The following MUCL3 variants were observed in gnomAD, a reference collection of about 807,000 sequenced individuals.
MUCL3 encodes mucin-like protein 3.
In MUCL3, 42 loss-of-function variants were observed where a neutral mutation model predicts 70.2. The observed-to-expected ratio is 0.60, with a 90% CI of 0.47 to 0.77. MUCL3 has a LOEUF of 0.77. Among genes scored for constraint, MUCL3 ranks in the 30% least tolerant of loss-of-function variants. The probability of loss-of-function intolerance (pLI) is 0.00; values close to 1 mark genes in which losing one functional copy is unlikely to be tolerated. For missense variants in MUCL3, 1,429 were observed against 1,670.0 expected (o/e 0.86, Z 2.52); for synonymous variants, 522 against 647.0 (o/e 0.81, Z 2.93).
intron 1 of MUCL3, among the ~76,000 whole-genome samples, chr6:30,942,825 G>C (rs971020172): frequency 6.6e-6 from 1 of 152,180 alleles, no homozygotes; most frequent in African/African-American, 2.4e-5. Context: ...ATTTGCTTCA[G>C]GGCGGAGATC....
chr6:30,951,903 A>G lies in MUCL3; in HGVS notation c.3439A>G (p.Lys1147Glu), dbSNP rs1345396596. 6.2e-7 allele frequency: 1 copy of G among 1,613,870 alleles called. No individual in the cohort carries two copies. Among genetic ancestry groups the G allele is most frequent in the Non-Finnish European group, 8.5e-7 (1 of 1,179,890 alleles). ...CACACCAGCCCCAGCAGAGCCTATA[A>G]AACATGCAAAAAGGACCACATTGGC... Reference protein sequence around the residue: ...VITPAPAEPIKHAKRTTLAHE... With the variant: ...VITPAPAEPIEHAKRTTLAHE... The change falls in exon 2 of 3, where the codon AAA (lysine) becomes GAA (glutamate). Residue 1147 changes from lysine (K) to glutamate (E), a missense_variant. Physicochemically the swap from Lys to Glu is moderately conservative, Grantham distance 56. Coordinates refer to ENST00000462446, the MANE Select transcript of MUCL3 (RefSeq NM_080870.4).
In MUCL3 at chr6:30,949,230, G is replaced by C; in HGVS notation, c.766G>C (p.Val256Leu). Residue 256 changes from valine to leucine, a missense_variant, in exon 2 of 3, where the codon GTT (valine) becomes CTT (leucine). Val to Leu is a conservative substitution (Grantham distance 32). Transcript: ENST00000462446. ...AAAAACTGAAGATTCCAGAACAACA[G>C]TTGCCTCAGACAAGCTCCTGACAAA... ...SEKTEDSRTT[V>L]ASDKLLTKTT... 1 of 1,550,728 alleles carries C rather than the reference G, an allele frequency of 6.4e-7. No homozygotes were observed. The highest frequency in any genetic ancestry group is 2.4e-5 in the East Asian group (1 of 40,922).
Position 30,952,410 on chromosome 6 carries a change from G to A in MUCL3, c.3946G>A (p.Glu1316Lys). Residue 1316 changes from glutamate to lysine, a missense_variant, in exon 2 of 3, where the codon GAG becomes AAG. Glu to Lys is a moderately conservative substitution (Grantham distance 56). Transcript: ENST00000462446. ...AGGTATCCACGCTGGACAGATGGGA[G>A]AGAATGATTCATTCCCTGCATGGGC... ...QKGIHAGQMG[E>K]NDSFPAWAIV... 6.2e-7 allele frequency: 1 copy of A among 1,614,092 alleles called. No homozygotes were observed. Among genetic ancestry groups the A allele is most frequent in the Non-Finnish European group, 8.5e-7 (1 of 1,179,990 alleles).
At chr6:30,948,469 C>A in intron 1 of MUCL3, 78 bp from the exon 2 acceptor site, 1 of 1,138,362 alleles carries the variant, frequency 8.8e-7, no homozygotes, top group Non-Finnish European at 1.2e-6. Context: ...CAAAGAGATC[C>A]CCTAGAGAAG....
At position 30,949,327 on chromosome 6, in the gene MUCL3, A is replaced by T; in HGVS notation, c.863A>T (p.His288Leu). 1 of 1,551,808 alleles carries T rather than the reference A, an allele frequency of 6.4e-7. No individual in the cohort carries two copies. The highest frequency in any genetic ancestry group is 8.7e-7 in the Non-Finnish European group (1 of 1,147,022). ...LTQSLAEPTE[H>L]GGRTANENNT... ...CAATCTCTAGCAGAGCCTACAGAACATGGAGGAAGGACAGCCAATGAGAAC... is the reference window on the plus strand; with the variant it reads ...CAATCTCTAGCAGAGCCTACAGAACTTGGAGGAAGGACAGCCAATGAGAAC... The change falls in exon 2 of 3, where the codon CAT becomes CTT. Residue 288 changes from histidine (H) to leucine (L), a missense_variant. Coordinates refer to ENST00000462446, the MANE Select transcript of MUCL3 (RefSeq NM_080870.4).
intron 1 of MUCL3, among the ~76,000 whole-genome samples, chr6:30,944,133 C>T (rs1001314665): frequency 6.6e-6 from 1 of 152,156 alleles, no homozygotes. Context: ...TTTGGGACAG[C>T]GTGCCCTGAC....
At position 30,951,310 on chromosome 6, in the gene MUCL3, T is replaced by G. The variant is rs1400030857; in HGVS notation, c.2846T>G (p.Ile949Arg). ...GAGCCTACAGAACATGGAGAAAGGA[T>G]AGCCAATGAGAAGGCCACACCATCC... ...RAEPTEHGERIANEKATPSPA... is the reference protein window; with the variant it reads ...RAEPTEHGERRANEKATPSPA... Residue 949 changes from isoleucine (I) to arginine (R), a missense_variant, in exon 2 of 3, where the codon ATA (isoleucine) becomes AGA (arginine). Ile to Arg is a moderately conservative substitution (Grantham distance 97). Coordinates refer to ENST00000462446, the MANE Select transcript of MUCL3 (RefSeq NM_080870.4). The G allele has an allele frequency of 6.9e-7, 1 of 1,459,756 alleles. No homozygotes were observed. The highest frequency in any genetic ancestry group is 2.3e-5 in the Admixed American group (1 of 42,886). The allele number at this position is 1,459,756 out of a possible 1,614,324, so 90.4% of individuals were successfully genotyped here.
Position 30,950,932 on chromosome 6 carries a change from C to T in MUCL3, c.2468C>T (p.Thr823Ile). Residue 823 changes from threonine to isoleucine, a missense_variant, in exon 2 of 3, where the codon ACA (threonine) becomes ATA (isoleucine). Coordinates refer to ENST00000462446, the MANE Select transcript of MUCL3 (RefSeq NM_080870.4). Reference sequence around the variant, plus strand: ...ACCACATCATCCCCAGCAGAGCCTACAGAAAATAGAGAAAGGACAGCCAAT... The same window carrying T: ...ACCACATCATCCCCAGCAGAGCCTATAGAAAATAGAGAAAGGACAGCCAAT... Reference protein sequence around the residue: ...ENTTSSPAEPTENRERTANEK... With the variant: ...ENTTSSPAEPIENRERTANEK... 6.5e-7 allele frequency: 1 copy of T among 1,548,712 alleles called. No homozygotes were observed. The highest frequency in any genetic ancestry group is 1.2e-5 in the South Asian group (1 of 83,974).
In MUCL3 at chr6:30,949,137, TTTC is replaced by T. The variant is rs1325017458; in HGVS notation, c.674_676del (p.Phe225_Pro226delinsSer). 1 of 1,551,298 alleles carries T rather than the reference TTTC, an allele frequency of 6.4e-7. No homozygotes were observed. The highest frequency in any genetic ancestry group is 8.7e-7 in the Non-Finnish European group (1 of 1,146,926). The stretch of plus-strand genomic sequence containing the variant: ...ACAGACCAAGCAAAAAAGCACATCT[TTTC>T]CAGAAAAAATCACAGCAGCCTCAAA... On this transcript the variant is annotated inframe_deletion, in exon 2 of 3. Coordinates refer to ENST00000462446, the MANE Select transcript of MUCL3 (RefSeq NM_080870.4).
At chr6:30,943,736 A>AATATGTATG (rs1795676254) in intron 1 of MUCL3, among the ~76,000 whole-genome samples, 1 of 152,264 alleles carries the variant, frequency 6.6e-6, no homozygotes, top group Non-Finnish European at 1.5e-5. Context: ...AATTTCTATA[A>AATATGTATG]CACAAATAAT....
At position 30,951,042 on chromosome 6, in the gene MUCL3, C is replaced by A; in HGVS notation, c.2578C>A (p.Pro860Thr). 1 of 1,551,440 alleles carries A rather than the reference C, an allele frequency of 6.4e-7. No homozygotes were observed. The highest frequency in any genetic ancestry group is 8.7e-7 in the Non-Finnish European group (1 of 1,147,018). The change falls in exon 2 of 3, where the codon CCT becomes ACT. Residue 860 changes from proline (P) to threonine (T), a missense_variant. Transcript: ENST00000462446. The part of the protein sequence containing the change: ...NEKTTPFPAE[P>T]TENREWTANE... ...GAAGACCACACCATTCCCAGCAGAG[C>A]CTACAGAAAATAGAGAATGGACAGC...
intron 1 of MUCL3, among the ~76,000 whole-genome samples, chr6:30,944,349 T>A (rs1795703674): frequency 6.6e-6 from 1 of 152,126 alleles, no homozygotes; most frequent in South Asian, 2.1e-4. Flanking sequence ...TGGCATGATC[T>A]TGGCTCACTG....
Position 30,952,574 on chromosome 6 carries a change from C to T in MUCL3, c.4035+75C>T, listed in dbSNP as rs112101060. 2.5e-4 allele frequency: 361 copies of T among 1,458,098 alleles called. 2 individuals carry two copies. The African/African-American group carries it at 2.6e-3, about 10-fold the overall frequency. The allele number at this position is 1,458,098 out of a possible 1,614,324, so 90.3% of individuals were successfully genotyped here. The stretch of plus-strand genomic sequence containing the variant: ...GAGGATACATTAGGGGTCAGAGTTA[C>T]AGGGAATAATGAGTCTAGGAAAAGA... On this transcript the variant is annotated intron_variant, in intron 2 of 2. Transcript: ENST00000462446.
chr6:30,951,489 G>A lies in MUCL3; in HGVS notation c.3025G>A (p.Ala1009Thr), dbSNP rs1011726989. 96 of 1,548,588 alleles carry A rather than the reference G, an allele frequency of 6.2e-5. No individual in the cohort carries two copies. In the East Asian group the frequency reaches 2.4e-3, roughly 38 times the overall value. Reference sequence around the variant, plus strand: ...GTCTACAGAACATGGAGAAAGGACAGCCAATGAGAAGACCACACCATCCCC... The same window carrying A: ...GTCTACAGAACATGGAGAAAGGACAACCAATGAGAAGACCACACCATCCCC... ...TESTEHGERT[A>T]NEKTTPSPAE... The change falls in exon 2 of 3, where the codon GCC becomes ACC. Residue 1009 changes from alanine to threonine, a missense_variant. Transcript: ENST00000462446.
rs1291799531 is a variant in MUCL3, at chr6:30,953,399, T to C, written c.*282T>C. 3.8e-6 allele frequency: 2 copies of C among 522,820 alleles called. No homozygotes were observed. The highest frequency in any genetic ancestry group is 6.8e-6 in the Non-Finnish European group (2 of 293,560). 32.4% of individuals were successfully genotyped at this position (522,820 alleles called of 1,614,324 possible). A position where few individuals can be genotyped will look rare whatever the true frequency, so the allele number is the denominator to read the frequency against. Reference sequence around the variant, plus strand: ...ATGAAAAGGTGTTTGATGGACATGTTGTGGGGGCACCAATGCAGAACACTG... The same window carrying C: ...ATGAAAAGGTGTTTGATGGACATGTCGTGGGGGCACCAATGCAGAACACTG... On this transcript the variant is annotated 3_prime_UTR_variant, in exon 3 of 3. Coordinates refer to ENST00000462446, the MANE Select transcript of MUCL3 (RefSeq NM_080870.4).
chr6:30,951,877 T>A lies in MUCL3; in HGVS notation c.3413T>A (p.Ile1138Asn), dbSNP rs201495318. 5.0e-6 allele frequency: 8 copies of A among 1,604,808 alleles called. No homozygotes were observed. The highest frequency in any genetic ancestry group is 1.1e-5 in the South Asian group (1 of 90,270). ...HRDRATSANV[I>N]TPAPAEPIKH... The stretch of plus-strand genomic sequence containing the variant: ...GATAGGGCTACATCAGCCAATGTGA[T>A]CACACCAGCCCCAGCAGAGCCTATA... The change falls in exon 2 of 3, where the codon ATC becomes AAC. Residue 1138 changes from isoleucine (I) to asparagine (N), a missense_variant. Coordinates refer to ENST00000462446, the MANE Select transcript of MUCL3 (RefSeq NM_080870.4).
At position 30,950,413 on chromosome 6, in the gene MUCL3, A is replaced by G; in HGVS notation, c.1949A>G (p.Asn650Ser). The G allele has an allele frequency of 6.5e-7, 1 of 1,550,338 alleles. No individual in the cohort carries two copies. Among genetic ancestry groups the G allele is most frequent in the East Asian group, 2.5e-5 (1 of 40,810 alleles). Residue 650 changes from asparagine (N) to serine (S), a missense_variant, in exon 2 of 3, where the codon AAC (asparagine) becomes AGC (serine). By Grantham distance (46) the Asn-to-Ser change is conservative. Coordinates refer to ENST00000462446, the MANE Select transcript of MUCL3 (RefSeq NM_080870.4). ...ACAGAAAATAGAGAAATGACAGCCA[A>G]CGAGAAGACCACACTATTCCCAGCA... ...GPTENREMTA[N>S]EKTTLFPAEP...
chr6:30,951,499 A>G lies in MUCL3; in HGVS notation c.3035A>G (p.Lys1012Arg). 2 of 1,552,046 alleles carry G rather than the reference A, an allele frequency of 1.3e-6. No individual in the cohort carries two copies. Among genetic ancestry groups the G allele is most frequent in the Non-Finnish European group, 1.7e-6 (2 of 1,147,000 alleles). The change falls in exon 2 of 3, where the codon AAG becomes AGG. Residue 1012 changes from lysine to arginine, a missense_variant. By Grantham distance (26) the Lys-to-Arg change is conservative. Transcript: ENST00000462446. Reference sequence around the variant, plus strand: ...CATGGAGAAAGGACAGCCAATGAGAAGACCACACCATCCCCAGCAGAGCCT... The same window carrying G: ...CATGGAGAAAGGACAGCCAATGAGAGGACCACACCATCCCCAGCAGAGCCT... ...TEHGERTANE[K>R]TTPSPAEPTE...
At position 30,950,161 on chromosome 6, in the gene MUCL3, C is replaced by A. The variant is rs1760566108; in HGVS notation, c.1697C>A (p.Thr566Asn). The A allele has an allele frequency of 6.5e-7, 1 of 1,548,296 alleles. No homozygotes were observed. Among genetic ancestry groups the A allele is most frequent in the Non-Finnish European group, 8.7e-7 (1 of 1,146,592 alleles). ...GAGCCTACAGAAAATGGAGACAGGA[C>A]TCCTTTGGCCAATGAGAAGACCACG... ...PAEPTENGDR[T>N]PLANEKTTPS... The change falls in exon 2 of 3, where the codon ACT becomes AAT. Residue 566 changes from threonine (T) to asparagine (N), a missense_variant. By Grantham distance (65) the Thr-to-Asn change is moderately conservative. Transcript: ENST00000462446.
Sources: gnomAD v4.1 joint callset for allele counts (sites outside exome capture counted in the v4.1 genomes callset) on GRCh38, gnomAD v4.1.1 for gene constraint, MANE v1.5 for transcripts, NCBI Gene and HGNC (gene_info 2026-07-23, HGNC 2026-07-21) for gene names.